The following CLDN14 variants were observed in gnomAD, a reference collection of about 807,000 sequenced individuals.
CLDN14 encodes the protein claudin 14.
A neutral mutation model predicts 2.1 loss-of-function variants in CLDN14; 2 were observed. That is an observed-to-expected ratio of 0.96 (90% CI 0.39 to 3.01). The LOEUF (loss-of-function observed/expected upper bound fraction) is 3.01, where lower values mean the gene tolerates loss of function less well. Among genes scored for constraint, CLDN14 ranks in the 30% most tolerant of loss-of-function variants. The probability of loss-of-function intolerance (pLI) is 0.09; values close to 1 mark genes in which losing one functional copy is unlikely to be tolerated. For synonymous variants in CLDN14, 136 were observed against 154.4 expected, an observed-to-expected ratio of 0.88 and a Z score of 0.88; for missense variants, 298 against 328.0, an observed-to-expected ratio of 0.91 and a Z score of 0.71.
intron 1 of CLDN14, among the ~76,000 whole-genome samples, chr21:36,519,000 G>T (rs1462655070): frequency 6.6e-6 from 1 of 152,066 alleles, no homozygotes; most frequent in Non-Finnish European, 1.5e-5. Context: ...AGCTTCTCTG[G>T]TTTCTCACCC....
rs752592093 is a variant in CLDN14 at position 36,461,034 on chromosome 21, C to T, written c.662G>A (p.Arg221Gln). The T allele has an allele frequency of 8.1e-6, 13 of 1,613,594 alleles. No homozygotes were observed. Among genetic ancestry groups the T allele is most frequent in the South Asian group, 1.1e-5 (1 of 91,072 alleles). Residue 221 changes from arginine (R) to glutamine (Q), a missense_variant, in exon 2 of 2, where the codon CGG becomes CAG. Arg to Gln is a conservative substitution (Grantham distance 43). Coordinates refer to ENST00000399135, the MANE Select transcript of CLDN14 (RefSeq NM_001146079.2). ...YQPPAAYKDN[R>Q]APSVTSATHS... ...CGTGGCCGAGGTCACTGAGGGGGCCCGATTGTCTTTGTAGGCAGCTGGTGG... is the reference window on the plus strand; with the variant it reads ...CGTGGCCGAGGTCACTGAGGGGGCCTGATTGTCTTTGTAGGCAGCTGGTGG...
At chr21:36,486,030 C>T (rs2086891720) in intron 2 of CLDN14, 1 of 1,453,902 alleles carries the variant, frequency 6.9e-7, no homozygotes, top group Non-Finnish European at 9.6e-7. Flanking sequence ...TCCTTGGTGG[C>T]CTGGCAGGCC....
At chr21:36,527,677 C>A (rs76235576) in intron 1 of CLDN14, among the ~76,000 whole-genome samples, 1 of 152,276 alleles carries the variant, frequency 6.6e-6, no homozygotes, top group Non-Finnish European at 1.5e-5. Context: ...AATAATTTCT[C>A]AACTGTCCAG....
chr21:36,478,867 G>T (rs920663954), intron 1 of CLDN14, among the ~76,000 whole-genome samples: 4 of 152,202 alleles, frequency 2.6e-5, no homozygotes, highest in Non-Finnish European at 5.9e-5. Context: ...AGCTGTTGGG[G>T]ATGTGGGGCC....
At chr21:36,515,442 G>T (rs529690978) in intron 1 of CLDN14, among the ~76,000 whole-genome samples, 1 of 152,218 alleles carries the variant, frequency 6.6e-6, no homozygotes, top group East Asian at 1.9e-4. Flanking sequence ...GGAGCCTGAG[G>T]TGGGTAGATC....
At chr21:36,545,179 A>T (rs1020976740) in intron 1 of CLDN14, among the ~76,000 whole-genome samples, 1 of 152,194 alleles carries the variant, frequency 6.6e-6, no homozygotes, top group African/African-American at 2.4e-5. Flanking sequence ...AACGGGCATT[A>T]CTCAGATTTT....
intron 2 of CLDN14, chr21:36,486,306 C>A: frequency 1.2e-6 from 1 of 803,542 alleles, no homozygotes; most frequent in East Asian, 2.4e-5. Context: ...CTCTTGTTGG[C>A]TAATGGTCAT....
At position 36,461,395 on chromosome 21, in the gene CLDN14, C is replaced by T. The variant is rs74315438; in HGVS notation, c.301G>A (p.Gly101Arg). Residue 101 changes from glycine (G) to arginine (R), a missense_variant, in exon 2 of 2, where the codon GGG becomes AGG. Transcript: ENST00000399135. ...SGIACACAVI[G>R]MKCTRCAKGT... ...TTGGCGCAGCGCGTGCACTTCATCCCGATGACGGCGCAGGCGCAGGCTATG... is the reference window on the plus strand; with the variant it reads ...TTGGCGCAGCGCGTGCACTTCATCCTGATGACGGCGCAGGCGCAGGCTATG... 3.0e-5 allele frequency: 49 copies of T among 1,613,084 alleles called. No homozygotes were observed. The highest frequency in any genetic ancestry group is 3.6e-5 in the Non-Finnish European group (42 of 1,179,980).
At chr21:36,485,853 CT>C (rs371184847) in intron 2 of CLDN14, 66,901 of 413,008 alleles carry the variant, frequency 0.16, 259 homozygotes, top group East Asian at 0.19. Context: ...GTTCCATTTC[CT>C]TTTTTTTTTT....
At chr21:36,462,430 A>G (rs1018710963) in intron 1 of CLDN14, among the ~76,000 whole-genome samples, 1 of 152,122 alleles carries the variant, frequency 6.6e-6, no homozygotes, top group Non-Finnish European at 1.5e-5. Context: ...TCCGCTCCCA[A>G]CACGCTCCCC....
At chr21:36,566,921 G>A (rs2087677303) in intron 1 of CLDN14, among the ~76,000 whole-genome samples, 1 of 152,342 alleles carries the variant, frequency 6.6e-6, no homozygotes, top group South Asian at 2.1e-4. Context: ...CCATCGGGAA[G>A]AAGGAGGTGC....
At chr21:36,497,135 G>A (rs1190658393) in intron 2 of CLDN14, among the ~76,000 whole-genome samples, 2 of 42,774 alleles carry the variant, frequency 4.7e-5, no homozygotes, top group Admixed American at 2.7e-4. Context: ...GGGAGGAAGG[G>A]AGGGAGGAAG....
intron 1 of CLDN14, among the ~76,000 whole-genome samples, chr21:36,563,109 A>AT (rs2087648537): frequency 6.6e-6 from 1 of 151,962 alleles, no homozygotes; most frequent in Non-Finnish European, 1.5e-5. Flanking sequence ...AAGGAAAGGA[A>AT]AAAAATTAAT....
intron 2 of CLDN14, among the ~76,000 whole-genome samples, chr21:36,506,816 A>G (rs113007625): frequency 0.042 from 6,395 of 152,120 alleles, 454 homozygotes; most frequent in African/African-American, 0.14. Context: ...TATCTATTGC[A>G]GAGCATCAAG....
At chr21:36,476,620 T>C (rs942384578) in intron 1 of CLDN14, among the ~76,000 whole-genome samples, 5 of 152,202 alleles carry the variant, frequency 3.3e-5, no homozygotes, top group Admixed American at 6.5e-5. Flanking sequence ...GTCTGGCTAA[T>C]TTTTGTATTT....
At chr21:36,484,779 T>G (rs569517700), upstream of CLDN14, among the ~76,000 whole-genome samples, 16 of 152,314 alleles carry the variant, frequency 1.1e-4, no homozygotes, top group Middle Eastern at 3.4e-3. Flanking sequence ...AATGGCGTGA[T>G]CTTGGCTCAC....
intron 1 of CLDN14, among the ~76,000 whole-genome samples, chr21:36,473,927 C>T (rs1191589471): frequency 6.6e-6 from 1 of 151,450 alleles, no homozygotes; most frequent in Non-Finnish European, 1.5e-5. Context: ...TCTGATAAAT[C>T]AAGTCATCTG....
chr21:36,571,537 A>T (rs1187421101), intron 1 of CLDN14, among the ~76,000 whole-genome samples: 1 of 152,156 alleles, frequency 6.6e-6, no homozygotes, highest in African/African-American at 2.4e-5. Flanking sequence ...AAACACTCTT[A>T]CCTTCACATC....
At chr21:36,561,377 C>G (rs1254956614) in intron 1 of CLDN14, among the ~76,000 whole-genome samples, 2 of 152,186 alleles carry the variant, frequency 1.3e-5, no homozygotes, top group Non-Finnish European at 2.9e-5. Flanking sequence ...CCTGTTAGGA[C>G]CAACGGGCTA....
Sources: gnomAD v4.1 joint callset for allele counts (sites outside exome capture counted in the v4.1 genomes callset) on GRCh38, gnomAD v4.1.1 for gene constraint, MANE v1.5 for transcripts, NCBI Gene and HGNC (gene_info 2026-07-23, HGNC 2026-07-21) for gene names.